Variants in CDH13 observed in about 807,000 individuals in gnomAD.
The protein encoded by CDH13 is cadherin-13.
A neutral mutation model predicts 63.8 loss-of-function variants in CDH13; 24 were observed. The ratio of observed to expected loss-of-function variants is 0.38; its 90% confidence interval spans 0.27 to 0.53. The LOEUF (loss-of-function observed/expected upper bound fraction) is 0.53. CDH13 is among the 20% of genes least tolerant of loss of function. The probability of loss-of-function intolerance (pLI) is 0.85; values close to 1 mark genes in which losing one functional copy is unlikely to be tolerated. For synonymous variants in CDH13, 503 were observed against 355.3 expected (o/e 1.42, Z -4.67); for missense variants, 1,049 against 903.1 (o/e 1.16, Z -2.07).
At chr16:83,332,461 C>T (rs1231887080) in intron 5 of CDH13, among the ~76,000 whole-genome samples, 1 of 152,094 alleles carries the variant, frequency 6.6e-6, no homozygotes, top group African/African-American at 2.4e-5. Flanking sequence ...GACTTTAAAA[C>T]TGTAAACTTA....
intron 4 of CDH13, among the ~76,000 whole-genome samples, chr16:83,186,029 A>T (rs1388232859): frequency 1.3e-5 from 2 of 152,062 alleles, no homozygotes; most frequent in Non-Finnish European, 2.9e-5. Flanking sequence ...GCATTTAGTC[A>T]TTTAGTCATT....
chr16:82,670,665 A>G (rs1019637906), intron 1 of CDH13, among the ~76,000 whole-genome samples: 5 of 152,192 alleles, frequency 3.3e-5, no homozygotes, highest in African/African-American at 1.2e-4. Context: ...GAGTATATAG[A>G]CTGGCACGTA....
At chr16:83,147,335 C>T (rs2036793129) in intron 4 of CDH13, among the ~76,000 whole-genome samples, 1 of 152,208 alleles carries the variant, frequency 6.6e-6, no homozygotes, top group African/African-American at 2.4e-5. Flanking sequence ...TTGCAGTCCT[C>T]TTCTAACTGT....
chr16:83,444,804 A>G (rs540529611), intron 6 of CDH13, among the ~76,000 whole-genome samples: 203 of 674 alleles, frequency 0.3, 8 homozygotes, highest in South Asian at 0.52. Context: ...AAATGAAAAT[A>G]TTCTCATGGT....
intron 5 of CDH13, among the ~76,000 whole-genome samples, chr16:83,275,065 A>G (rs376340112): frequency 4.1e-4 from 63 of 152,218 alleles, no homozygotes; most frequent in African/African-American, 1.5e-3. Flanking sequence ...ACTATTATAC[A>G]TGAGGGCAGG....
At chr16:82,854,861 A>G (rs867470464) in intron 1 of CDH13, among the ~76,000 whole-genome samples, 1 of 152,146 alleles carries the variant, frequency 6.6e-6, no homozygotes, top group African/African-American at 2.4e-5. Context: ...TGAGACCATA[A>G]TTATATTTAA....
At chr16:82,713,307 A>G (rs1048594237) in intron 1 of CDH13, among the ~76,000 whole-genome samples, 1 of 152,092 alleles carries the variant, frequency 6.6e-6, no homozygotes, top group Non-Finnish European at 1.5e-5. Context: ...TTCTATACAC[A>G]CTGGTATCTA....
intron 3 of CDH13, among the ~76,000 whole-genome samples, chr16:83,053,802 A>T (rs1167028684): frequency 6.6e-6 from 1 of 152,162 alleles, no homozygotes; most frequent in African/African-American, 2.4e-5. Context: ...TGCATCCAGT[A>T]ACATATACAG....
At chr16:83,276,211 T>G (rs1034181865) in intron 5 of CDH13, among the ~76,000 whole-genome samples, 2 of 152,134 alleles carry the variant, frequency 1.3e-5, no homozygotes, top group African/African-American at 4.8e-5. Context: ...AACTTCTGCT[T>G]GATATATTTC....
intron 2 of CDH13, among the ~76,000 whole-genome samples, chr16:82,936,092 C>T (rs2042658475): frequency 6.6e-6 from 1 of 152,110 alleles, no homozygotes; most frequent in South Asian, 2.1e-4. Flanking sequence ...ACCATCTTGT[C>T]TGCTTCTTAC....
chr16:83,350,077 C>T (rs566952382), intron 6 of CDH13, among the ~76,000 whole-genome samples: 1 of 152,190 alleles, frequency 6.6e-6, no homozygotes, highest in Non-Finnish European at 1.5e-5. Context: ...AAGCTGTCCC[C>T]AAGGATGGGG....
At chr16:83,399,414 G>A (rs761140570) in intron 6 of CDH13, among the ~76,000 whole-genome samples, 12 of 152,180 alleles carry the variant, frequency 7.9e-5, no homozygotes, top group East Asian at 3.9e-4. Context: ...AAAAATTTTC[G>A]TCCAAAGTGT....
intron 8 of CDH13, among the ~76,000 whole-genome samples, chr16:83,611,288 T>C (rs1908838609): frequency 6.6e-6 from 1 of 152,122 alleles, no homozygotes. Flanking sequence ...TGAATTCCAA[T>C]GTTGGTTGAT....
chr16:83,515,149 C>G (rs1182997014), intron 7 of CDH13, among the ~76,000 whole-genome samples: 1 of 152,060 alleles, frequency 6.6e-6, no homozygotes, highest in Non-Finnish European at 1.5e-5. Context: ...TGTTTCTGAG[C>G]TCTCTTTTCT....
chr16:83,505,411 G>A (rs571538674), intron 7 of CDH13, among the ~76,000 whole-genome samples: 2 of 152,142 alleles, frequency 1.3e-5, no homozygotes, highest in Admixed American at 6.5e-5. Flanking sequence ...GACCCTCCCA[G>A]CCAGCCTGAT....
chr16:82,962,518 A>G (rs1026518415), intron 2 of CDH13, among the ~76,000 whole-genome samples: 19 of 152,196 alleles, frequency 1.2e-4, no homozygotes, highest in African/African-American at 4.3e-4. Context: ...AACAAAGCAC[A>G]TTAGGAGAGA....
intron 2 of CDH13, among the ~76,000 whole-genome samples, chr16:83,019,551 C>T (rs1347141438): frequency 6.7e-6 from 1 of 149,246 alleles, no homozygotes; most frequent in Non-Finnish European, 1.5e-5. Context: ...GCTAGAGTAC[C>T]GTGGCCCGAT....
At chr16:83,244,383 TTTC>T (rs1233583769) in intron 5 of CDH13, among the ~76,000 whole-genome samples, 2 of 152,150 alleles carry the variant, frequency 1.3e-5, no homozygotes, top group Non-Finnish European at 2.9e-5. Flanking sequence ...GCAAAAAGGA[TTTC>T]TATTTCCCAT....
At chr16:83,535,510 A>G (rs2075165542) in intron 7 of CDH13, among the ~76,000 whole-genome samples, 1 of 152,206 alleles carries the variant, frequency 6.6e-6, no homozygotes, top group African/African-American at 2.4e-5. Flanking sequence ...CCAAAGGAAG[A>G]GGACAGTCAC....
Sources: allele counts gnomAD v4.1 joint callset (sites outside exome capture counted in the v4.1 genomes callset), GRCh38; gene constraint gnomAD v4.1.1; transcripts MANE v1.5; gene names NCBI Gene and HGNC (gene_info 2026-07-23, HGNC 2026-07-21).